The following SLC6A13 variants were observed in gnomAD, a reference collection of about 807,000 sequenced individuals.
The protein encoded by SLC6A13 is sodium- and chloride-dependent GABA transporter 2.
SLC6A13 carries 69 observed loss-of-function variants against 72.9 expected under a neutral mutation model. The observed-to-expected ratio is 0.95, with a 90% CI of 0.78 to 1.16. The LOEUF is 1.16. SLC6A13 is among the 50% of genes most tolerant of loss of function. The pLI is 0.00. For synonymous variants in SLC6A13, 303 were observed against 303.0 expected (o/e 1.00, Z 0.00); for missense variants, 735 against 760.5 (o/e 0.97, Z 0.39).
Position 223,180 on chromosome 12 carries a change from G to A in SLC6A13, c.1366C>T (p.Leu456Phe). 6.2e-7 allele frequency: 1 copy of A among 1,613,940 alleles called. No homozygotes were observed. Among genetic ancestry groups the A allele is most frequent in the Non-Finnish European group, 8.5e-7 (1 of 1,179,830 alleles). Residue 456 changes from leucine to phenylalanine, a missense_variant, in exon 12 of 15, where the codon CTC becomes TTC. Transcript: ENST00000343164. Reference sequence around the variant, plus strand: ...GACTCGAAGATGGCCACGAACAGGAGGCACATGCCACTGGCCGCATAGTAG... The same window carrying A: ...GACTCGAAGATGGCCACGAACAGGAAGCACATGCCACTGGCCGCATAGTAG... ...FDYYAASGMC[L>F]LFVAIFESLC...
chr12:233,665 A>G (rs1941807745), intron 7 of SLC6A13, among the ~76,000 whole-genome samples: 1 of 151,510 alleles, frequency 6.6e-6, no homozygotes, highest in African/African-American at 2.4e-5. Context: ...CAAGAGATAA[A>G]TGTACGAAGC....
chr12:220,935 A>G lies in SLC6A13; in HGVS notation c.*13T>C. On this transcript the variant is annotated 3_prime_UTR_variant, in exon 15 of 15. Coordinates refer to ENST00000343164, the MANE Select transcript of SLC6A13 (RefSeq NM_016615.5). ...AAGGCCAGGCACACAGGCACCATCC[A>G]AGGGCCTGCCCCCTAGCAGTGAGAC... The G allele has an allele frequency of 1.2e-6, 2 of 1,611,416 alleles. No homozygotes were observed. The highest frequency in any genetic ancestry group is 1.7e-6 in the Non-Finnish European group (2 of 1,179,810).
At chr12:257,997 C>T (rs1056083735) in intron 2 of SLC6A13, among the ~76,000 whole-genome samples, 23 of 152,262 alleles carry the variant, frequency 1.5e-4, no homozygotes, top group Admixed American at 7.2e-4. Context: ...CCAGATTAGT[C>T]CCCCAGCCTC....
intron 6 of SLC6A13, among the ~76,000 whole-genome samples, chr12:235,984 T>C (rs1413933573): frequency 6.6e-6 from 1 of 152,200 alleles, no homozygotes; most frequent in African/African-American, 2.4e-5. Context: ...CTGGTAAATC[T>C]GTGGTCAGAC....
Position 235,235 on chromosome 12 carries a change from G to A in SLC6A13, c.697-11C>T. 1 of 1,614,122 alleles carries A rather than the reference G, an allele frequency of 6.2e-7. No homozygotes were observed. The highest frequency in any genetic ancestry group is 1.1e-5 in the South Asian group (1 of 91,076). On this transcript the variant is annotated splice_polypyrimidine_tract_variant and intron_variant, in intron 6 of 14. Coordinates refer to ENST00000343164, the MANE Select transcript of SLC6A13 (RefSeq NM_016615.5). ...CGTGAAGTACACCACCTGGTCATGG[G>A]CAAATGAGAGACAAGGAGCTTGTGA...
intron 7 of SLC6A13, among the ~76,000 whole-genome samples, chr12:234,769 C>A (rs1375820688): frequency 6.6e-6 from 1 of 152,194 alleles, no homozygotes; most frequent in African/African-American, 2.4e-5. Flanking sequence ...CCACCCACTT[C>A]GGCCTCCCAA....
chr12:256,863 G>A (rs1942763827), intron 2 of SLC6A13, among the ~76,000 whole-genome samples: 1 of 152,070 alleles, frequency 6.6e-6, no homozygotes, highest in Non-Finnish European at 1.5e-5. Context: ...ACTAAAGGAT[G>A]GCACAGCCTG....
chr12:253,645 C>G (rs1942636237), intron 2 of SLC6A13: 1 of 152,286 alleles, frequency 6.6e-6, no homozygotes, highest in East Asian at 1.9e-4. Flanking sequence ...GACTCCAGTC[C>G]CAAGTTAATT....
Position 254,013 on chromosome 12 carries a change from A to G in SLC6A13, c.202+5838T>C, listed in dbSNP as rs945772260. Among the ~76,000 whole-genome samples, 5 of 152,232 alleles carry G rather than the reference A, an allele frequency of 3.3e-5. No individual in the cohort carries two copies. The highest frequency in any genetic ancestry group is 1.2e-4 in the African/African-American group (5 of 41,468). ...GCTGGCTATGGACAGTCCTATGACC[A>G]GAACCCTCTCCCGCTACCTTCTTCC... On this transcript the variant is annotated intron_variant, in intron 2 of 14. Coordinates refer to ENST00000343164, the MANE Select transcript of SLC6A13 (RefSeq NM_016615.5). The surrounding 1 kb of genome is among the most constrained non-coding windows in gnomAD (Gnocchi z 4.4).
chr12:240,152 A>T (rs1160959943), intron 4 of SLC6A13, among the ~76,000 whole-genome samples: 3 of 152,190 alleles, frequency 2.0e-5, no homozygotes, highest in Non-Finnish European at 4.4e-5. Context: ...ATAGATATTT[A>T]AAAAAATAAA....
At position 224,478 on chromosome 12, in the gene SLC6A13, C is replaced by A; in HGVS notation, c.1096G>T (p.Val366Leu). Residue 366 changes from valine (V) to leucine (L), a missense_variant, in exon 10 of 15, where the codon GTG (valine) becomes TTG (leucine). Val to Leu is a conservative substitution (Grantham distance 32). Coordinates refer to ENST00000343164, the MANE Select transcript of SLC6A13 (RefSeq NM_016615.5). ...GLAFIAYPRA[V>L]VMLPFSPLWA... ...AGAGGAGAGAAGGGCAGCATCACCA[C>A]AGCCCGCGGGTAAGCGATGAAAGCC... 6.2e-7 allele frequency: 1 copy of A among 1,614,144 alleles called. No individual in the cohort carries two copies. Among genetic ancestry groups the A allele is most frequent in the Non-Finnish European group, 8.5e-7 (1 of 1,180,038 alleles).
At chr12:257,609 C>A (rs1942788006) in intron 2 of SLC6A13, among the ~76,000 whole-genome samples, 1 of 152,180 alleles carries the variant, frequency 6.6e-6, no homozygotes, top group African/African-American at 2.4e-5. Context: ...GCCTCCACCT[C>A]CCCACACAGG....
intron 2 of SLC6A13, among the ~76,000 whole-genome samples, chr12:256,230 A>G (rs1942740515): frequency 6.6e-6 from 1 of 152,234 alleles, no homozygotes; most frequent in Non-Finnish European, 1.5e-5. Flanking sequence ...CGTTTTGATT[A>G]TAGATGTATC....
At chr12:237,639 G>GC (rs1454172250) in intron 5 of SLC6A13, among the ~76,000 whole-genome samples, 2 of 152,122 alleles carry the variant, frequency 1.3e-5, no homozygotes, top group African/African-American at 4.8e-5. Flanking sequence ...CACTCTTGCA[G>GC]CCACAGGGAG....
chr12:234,183 C>T (rs1401990474), intron 7 of SLC6A13, among the ~76,000 whole-genome samples: 3 of 152,206 alleles, frequency 2.0e-5, no homozygotes, highest in Non-Finnish European at 4.4e-5. Context: ...CGGGTAACCA[C>T]ACTTCAGGGC....
chr12:259,571 G>A (rs1406190057), intron 2 of SLC6A13: 1 of 1,410,278 alleles, frequency 7.1e-7, no homozygotes, highest in Non-Finnish European at 9.2e-7. Flanking sequence ...ATCACACAGA[G>A]TGTTAAGTAG....
intron 7 of SLC6A13, among the ~76,000 whole-genome samples, chr12:234,431 C>A (rs1397733295): frequency 2.0e-5 from 3 of 152,084 alleles, no homozygotes; most frequent in Admixed American, 2.0e-4. Flanking sequence ...AACCAGTAGC[C>A]CTGGGGCTGC....
intron 2 of SLC6A13, among the ~76,000 whole-genome samples, chr12:252,182 T>C (rs896119375): frequency 1.3e-5 from 2 of 152,212 alleles, no homozygotes; most frequent in Non-Finnish European, 2.9e-5. Flanking sequence ...TCCATTTATA[T>C]AATATTCTAA....
At chr12:223,865 G>T in intron 11 of SLC6A13, 127 bp downstream of exon 11, 1 of 1,030,942 alleles carries the variant, frequency 9.7e-7, no homozygotes, top group Non-Finnish European at 1.4e-6. Context: ...GGAAAAGAGG[G>T]AGTCCTAGTG....
Sources: gnomAD v4.1 joint callset for allele counts (sites outside exome capture counted in the v4.1 genomes callset) on GRCh38, gnomAD v4.1.1 for gene constraint, Gnocchi (gnomAD v3.1) non-coding constraint, MANE v1.5 for transcripts, NCBI Gene and HGNC (gene_info 2026-07-23, HGNC 2026-07-21) for gene names.